MYOF: variants seen among roughly 807,000 people sequenced by gnomAD.
The protein encoded by MYOF is fer-1-like 3, myoferlin.
A neutral mutation model predicts 284.2 loss-of-function variants in MYOF; 244 were observed. The ratio of observed to expected loss-of-function variants is 0.86; its 90% CI spans 0.77 to 0.95. The LOEUF is 0.95. Ranked by LOEUF, MYOF falls within the 40% of genes least tolerant of loss-of-function variation. MYOF has a pLI of 0.00. For synonymous variants in MYOF, 904 were observed against 919.7 expected, an observed-to-expected ratio of 0.98 and a Z score of 0.31; for missense variants, 2,496 against 2,560.6, an observed-to-expected ratio of 0.97 and a Z score of 0.54.
chr10:93,438,885 T>G (rs1161347060), intron 3 of MYOF, among the ~76,000 whole-genome samples: 3 of 152,160 alleles, frequency 2.0e-5, no homozygotes, highest in Admixed American at 6.5e-5. Context: ...CCCCAGGAAC[T>G]TCCGCTCCTG....
intron 21 of MYOF, 117 bp downstream of exon 21, chr10:93,379,746 C>G: frequency 7.6e-7 from 1 of 1,308,060 alleles, no homozygotes; most frequent in African/African-American, 1.5e-5. Context: ...AGACATTGCT[C>G]TTACCTTATT....
chr10:93,312,547 A>G (rs1433971414), intron 51 of MYOF, among the ~76,000 whole-genome samples: 2 of 151,222 alleles, frequency 1.3e-5, no homozygotes, highest in African/African-American at 4.9e-5. Flanking sequence ...TTTAGTAGAG[A>G]CGGTGTTTTG....
chr10:93,367,344 T>A (rs1013795201), intron 25 of MYOF, among the ~76,000 whole-genome samples: 4 of 152,192 alleles, frequency 2.6e-5, no homozygotes, highest in African/African-American at 9.7e-5. Flanking sequence ...GAATTTCCAA[T>A]TGTCTGCTGA....
chr10:93,425,156 G>C (rs998821392), intron 5 of MYOF, among the ~76,000 whole-genome samples: 2 of 151,912 alleles, frequency 1.3e-5, no homozygotes, highest in African/African-American at 2.4e-5. Flanking sequence ...GGCCAGGCTG[G>C]TCTCGAACTC....
chr10:93,380,253 T>C (rs1846051941), intron 20 of MYOF, among the ~76,000 whole-genome samples: 1 of 152,194 alleles, frequency 6.6e-6, no homozygotes. Context: ...GGGCCATGCA[T>C]CTGAACATCA....
chr10:93,367,504 G>A (rs1589450402), intron 25 of MYOF, among the ~76,000 whole-genome samples: 4 of 152,208 alleles, frequency 2.6e-5, no homozygotes, highest in African/African-American at 7.2e-5. Flanking sequence ...CAGCCTGGAG[G>A]GGAGATGAGC....
intron 21 of MYOF, 120 bp downstream of exon 21, chr10:93,379,743 G>A: frequency 2.4e-6 from 3 of 1,267,854 alleles, no homozygotes; most frequent in Non-Finnish European, 3.3e-6. Flanking sequence ...TAGAGACATT[G>A]CTCTTACCTT....
In MYOF at chr10:93,306,661, G is replaced by A. The variant is rs548590621; in HGVS notation, c.*302C>T. On this transcript the variant is annotated 3_prime_UTR_variant, in exon 54 of 54. Transcript: ENST00000359263. ...TTTCCAAAAGCTGAAGTCTAGAACCGAAGACACATATAAAAAGATGATTTT... is the reference window on the plus strand; with the variant it reads ...TTTCCAAAAGCTGAAGTCTAGAACCAAAGACACATATAAAAAGATGATTTT... 5.3e-5 allele frequency: 18 copies of A among 337,172 alleles called. No individual in the cohort carries two copies. Among genetic ancestry groups the A allele is most frequent in the Middle Eastern group, 7.8e-4 (1 of 1,290 alleles). 20.9% of individuals were successfully genotyped at this position (337,172 alleles called of 1,614,324 possible).
chr10:93,396,060 G>A, intron 16 of MYOF, 82 bp downstream of exon 16: 2 of 1,057,302 alleles, frequency 1.9e-6, no homozygotes, highest in African/African-American at 1.6e-5. Flanking sequence ...CTACTGTGAG[G>A]TGGCTACCCC....
At chr10:93,473,330 G>C (rs1322456377) in intron 1 of MYOF, among the ~76,000 whole-genome samples, 1 of 152,132 alleles carries the variant, frequency 6.6e-6, no homozygotes, top group Non-Finnish European at 1.5e-5. Context: ...CATGCCCCTT[G>C]GCCACAGTTA....
Position 93,328,929 on chromosome 10 carries a change from TG to T in MYOF, c.4983-19del, listed in dbSNP as rs763098288. 6.3e-7 allele frequency: 1 copy of T among 1,582,316 alleles called. No individual in the cohort carries two copies. Among genetic ancestry groups the T allele is most frequent in the African/African-American group, 1.3e-5 (1 of 74,646 alleles). ...CTCCAGAACTGTGAATAGCATCACGTGGCTCGGAGTTACGGAGGAGCCTGCA... is the reference window on the plus strand; with the variant it reads ...CTCCAGAACTGTGAATAGCATCACGTGCTCGGAGTTACGGAGGAGCCTGCA... On this transcript the variant is annotated intron_variant, in intron 44 of 53. Transcript: ENST00000359263.
intron 13 of MYOF, 73 bp from the exon 14 acceptor site, chr10:93,397,529 T>G: frequency 5.6e-6 from 6 of 1,074,120 alleles, no homozygotes; most frequent in Non-Finnish European, 8.2e-6. Context: ...CTATGCATAC[T>G]AGATTATGAC....
At chr10:93,363,568 A>G (rs1191516643) in intron 27 of MYOF, among the ~76,000 whole-genome samples, 1 of 152,230 alleles carries the variant, frequency 6.6e-6, no homozygotes, top group Non-Finnish European at 1.5e-5. Flanking sequence ...GGGGAGGCTG[A>G]GGCAGGAGGA....
At chr10:93,354,018 A>G in intron 31 of MYOF, 130 bp from the exon 32 acceptor site, 1 of 652,578 alleles carries the variant, frequency 1.5e-6, no homozygotes, top group Non-Finnish European at 2.6e-6. Flanking sequence ...TCCCCACAGT[A>G]AAGAGCACAT....
intron 43 of MYOF, among the ~76,000 whole-genome samples, chr10:93,331,855 G>A (rs943804520): frequency 1.1e-4 from 16 of 152,164 alleles, no homozygotes; most frequent in Non-Finnish European, 2.4e-4. Context: ...TATATGCCAC[G>A]CAGCAAATAA....
At chr10:93,431,706 C>T (rs1372224913) in intron 3 of MYOF, among the ~76,000 whole-genome samples, 190 bp from the exon 4 acceptor site, 1 of 151,462 alleles carries the variant, frequency 6.6e-6, no homozygotes, top group African/African-American at 2.4e-5. Flanking sequence ...TTCTCCATTA[C>T]AAGAGTCAAA....
At chr10:93,379,838 G>A (rs1374627073) in intron 21 of MYOF, 25 bp downstream of exon 21, 1 of 1,612,268 alleles carries the variant, frequency 6.2e-7, no homozygotes, top group Non-Finnish European at 8.5e-7. Flanking sequence ...TGGTGAAAAG[G>A]AAATGCAGAA....
intron 27 of MYOF, 73 bp from the exon 28 acceptor site, chr10:93,361,630 A>C: frequency 1.4e-6 from 2 of 1,382,962 alleles, no homozygotes; most frequent in Non-Finnish European, 2.0e-6. Flanking sequence ...GGTCCAATAT[A>C]GTTCCTCATT....
intron 31 of MYOF, 113 bp from the exon 32 acceptor site, chr10:93,354,001 T>G: frequency 1.3e-6 from 1 of 780,310 alleles, no homozygotes; most frequent in Non-Finnish European, 2.1e-6. Flanking sequence ...CTTGAATCTA[T>G]TATAGTTCCC....
Sources: allele counts gnomAD v4.1 joint callset (sites outside exome capture counted in the v4.1 genomes callset), GRCh38; gene constraint gnomAD v4.1.1; transcripts MANE v1.5; gene names NCBI Gene and HGNC (gene_info 2026-07-23, HGNC 2026-07-21).